GRIN2A: variants seen among roughly 807,000 people sequenced by gnomAD.
GRIN2A encodes glutamate receptor ionotropic, NMDA 2A.
Under a neutral mutation model 113.4 loss-of-function variants are expected in GRIN2A, and 22 were observed. The observed-to-expected ratio is 0.19, with a 90% confidence interval of 0.14 to 0.28. The LOEUF (loss-of-function observed/expected upper bound fraction) is 0.28. Ranked by LOEUF, GRIN2A falls within the 10% of genes least tolerant of loss-of-function variation. The pLI, the probability that GRIN2A is intolerant of heterozygous loss-of-function variation, is 1.00. For missense variants in GRIN2A, 1,502 were observed against 1,887.0 expected (o/e 0.80, Z 3.78); for synonymous variants, 827 against 738.4 (o/e 1.12, Z -1.94).
intron 3 of GRIN2A, among the ~76,000 whole-genome samples, chr16:9,897,715 A>G (rs61569971): frequency 0.043 from 6,545 of 152,216 alleles, 187 homozygotes; most frequent in South Asian, 0.11. Context: ...CACTTTTTTA[A>G]TGGGCTACCA....
intron 2 of GRIN2A, among the ~76,000 whole-genome samples, chr16:9,944,236 G>T (rs1029967394): frequency 6.6e-6 from 1 of 152,220 alleles, no homozygotes; most frequent in African/African-American, 2.4e-5. Context: ...TGTGCTTTCT[G>T]TTACTCTCAT....
chr16:9,987,533 A>G (rs1403467622), intron 2 of GRIN2A, among the ~76,000 whole-genome samples: 1 of 152,266 alleles, frequency 6.6e-6, no homozygotes, highest in African/African-American at 2.4e-5. Flanking sequence ...CAAATACGCC[A>G]AAACATATTT....
At chr16:9,998,765 T>TC (rs1434484756) in intron 2 of GRIN2A, among the ~76,000 whole-genome samples, 1 of 151,816 alleles carries the variant, frequency 6.6e-6, no homozygotes, top group Admixed American at 6.6e-5. Context: ...TCCTTTTCTC[T>TC]CCCCCTTGCC....
chr16:9,953,000 G>A (rs1003948355), intron 2 of GRIN2A, among the ~76,000 whole-genome samples: 5 of 152,160 alleles, frequency 3.3e-5, no homozygotes, highest in Non-Finnish European at 7.4e-5. Context: ...GCAGCGGTGT[G>A]ACATGAGCAA....
In GRIN2A at chr16:9,764,068, C is replaced by A. The variant is rs534440095; in HGVS notation, c.3476G>T (p.Arg1159Leu). ...DPYQDPSENFRKGDSTLPMNR... is the reference protein window; with the variant it reads ...DPYQDPSENFLKGDSTLPMNR... ...CATTGGCAGCGTGGAGTCCCCCTTG[C>A]GGAAGTTTTCACTGGGATCCTGGTA... Residue 1159 changes from arginine to leucine, a missense_variant, in exon 13 of 13, where the codon CGC becomes CTC. Arg to Leu is a moderately radical substitution (Grantham distance 102, BLOSUM62 -2). This residue lies in a region of GRIN2A where 832 missense variants were observed against 789.7 expected (regional missense o/e 1.05). Transcript: ENST00000330684. 2 of 1,613,488 alleles carry A rather than the reference C, an allele frequency of 1.2e-6. No homozygotes were observed. The highest frequency in any genetic ancestry group is 2.7e-5 in the African/African-American group (2 of 74,886).
At chr16:9,868,572 C>T (rs1425967710) in intron 4 of GRIN2A, among the ~76,000 whole-genome samples, 3 of 152,032 alleles carry the variant, frequency 2.0e-5, no homozygotes, top group Admixed American at 6.6e-5. Context: ...TAGCCCAAAT[C>T]GTCACTTTAA....
At chr16:9,869,639 T>C (rs1364331672) in intron 4 of GRIN2A, among the ~76,000 whole-genome samples, 1 of 152,212 alleles carries the variant, frequency 6.6e-6, no homozygotes, top group Non-Finnish European at 1.5e-5. Context: ...ACTTTACTTC[T>C]TGGACATCAG....
intron 3 of GRIN2A, among the ~76,000 whole-genome samples, chr16:9,913,755 G>A (rs2044188871): frequency 6.6e-6 from 1 of 152,118 alleles, no homozygotes; most frequent in Middle Eastern, 3.2e-3. Flanking sequence ...TGATGTTCTA[G>A]GTCCAACTTT....
At chr16:9,908,055 TG>T (rs2044062885) in intron 3 of GRIN2A, among the ~76,000 whole-genome samples, 1 of 152,188 alleles carries the variant, frequency 6.6e-6, no homozygotes, top group African/African-American at 2.4e-5. Context: ...GTGTGCTGGA[TG>T]GCATGTGAGA....
chr16:10,067,753 G>A (rs1472401088), intron 2 of GRIN2A, among the ~76,000 whole-genome samples: 1 of 152,070 alleles, frequency 6.6e-6, no homozygotes, highest in East Asian at 1.9e-4. Context: ...CACCCCAAGG[G>A]ACATTGGCAA....
At chr16:9,888,205 T>C (rs1231982070) in intron 4 of GRIN2A, among the ~76,000 whole-genome samples, 1 of 152,124 alleles carries the variant, frequency 6.6e-6, no homozygotes, top group Non-Finnish European at 1.5e-5. Context: ...CCTCCCAAAG[T>C]GTTGGAATTA....
At chr16:9,928,205 C>T (rs1463634602) in intron 3 of GRIN2A, among the ~76,000 whole-genome samples, 1 of 152,142 alleles carries the variant, frequency 6.6e-6, no homozygotes, top group African/African-American at 2.4e-5. Context: ...CACATGGAAG[C>T]AAGAGGTGAG....
At chr16:10,053,635 A>T (rs932064872) in intron 2 of GRIN2A, among the ~76,000 whole-genome samples, 2 of 152,232 alleles carry the variant, frequency 1.3e-5, no homozygotes, top group African/African-American at 4.8e-5. Context: ...GAGAAAATGG[A>T]GCCAGGATTA....
chr16:10,058,509 G>C (rs927520971), intron 2 of GRIN2A, among the ~76,000 whole-genome samples: 2 of 152,070 alleles, frequency 1.3e-5, no homozygotes, highest in African/African-American at 2.4e-5. Flanking sequence ...CTACAACAAT[G>C]ATAATGTGAT....
At chr16:9,842,653 T>C (rs188730836) in intron 5 of GRIN2A, among the ~76,000 whole-genome samples, 7 of 152,274 alleles carry the variant, frequency 4.6e-5, no homozygotes, top group Admixed American at 1.3e-4. Context: ...ATATGAAGCA[T>C]AGGACAGGTG....
intron 2 of GRIN2A, among the ~76,000 whole-genome samples, chr16:10,075,270 A>T (rs1048460277): frequency 1.3e-5 from 2 of 152,062 alleles, no homozygotes; most frequent in African/African-American, 4.8e-5. Flanking sequence ...TGAGAGTTTC[A>T]CAGTCATACT....
chr16:10,099,187 A>T (rs1341706158), intron 2 of GRIN2A, among the ~76,000 whole-genome samples: 1 of 152,184 alleles, frequency 6.6e-6, no homozygotes, highest in Non-Finnish European at 1.5e-5. Flanking sequence ...CATCATTATG[A>T]GTAACTGCAA....
At chr16:9,814,030 C>T (rs1467642916) in intron 10 of GRIN2A, among the ~76,000 whole-genome samples, 1 of 152,192 alleles carries the variant, frequency 6.6e-6, no homozygotes, top group Non-Finnish European at 1.5e-5. Context: ...AACTGAACCT[C>T]AGTGACAACC....
chr16:10,037,652 G>A (rs1439704891), intron 2 of GRIN2A, among the ~76,000 whole-genome samples: 1 of 152,020 alleles, frequency 6.6e-6, no homozygotes, highest in Non-Finnish European at 1.5e-5. Context: ...TAGAGACAGG[G>A]TCTTGCACTG....
Sources: gnomAD v4.1 joint callset for allele counts (sites outside exome capture counted in the v4.1 genomes callset) on GRCh38, gnomAD v4.1.1 for gene constraint, gnomAD v4.1.1 regional missense constraint, MANE v1.5 for transcripts, NCBI Gene and HGNC (gene_info 2026-07-23, HGNC 2026-07-21) for gene names.